Variants in FAT3 observed in about 807,000 individuals in gnomAD.
FAT3 encodes the protein FAT atypical cadherin 3.
A neutral mutation model predicts 310.2 loss-of-function variants in FAT3; 95 were observed. The observed-to-expected ratio is 0.31, with a 90% CI of 0.26 to 0.36. FAT3 has a LOEUF of 0.36. Among genes scored for constraint, FAT3 ranks in the 10% least tolerant of loss-of-function variants. FAT3 has a pLI of 1.00. For missense variants in FAT3, 5,408 were observed against 5,715.6 expected (o/e 0.95, Z 1.74); for synonymous variants, 2,314 against 2,192.9 (o/e 1.06, Z -1.54).
chr11:92,707,475 C>G (rs768100056), intron 4 of FAT3, among the ~76,000 whole-genome samples: 10 of 152,236 alleles, frequency 6.6e-5, no homozygotes, highest in Middle Eastern at 3.4e-3. Context: ...TGGCTGAGTT[C>G]TGGGGGTTGG....
intron 2 of FAT3, among the ~76,000 whole-genome samples, chr11:92,363,772 G>A (rs539475014): frequency 6.6e-6 from 1 of 152,282 alleles, no homozygotes; most frequent in South Asian, 2.1e-4. Flanking sequence ...AGTGACAGCA[G>A]AAACTTTTCT....
At chr11:92,550,357 G>A (rs944838963) in intron 3 of FAT3, among the ~76,000 whole-genome samples, 10 of 152,322 alleles carry the variant, frequency 6.6e-5, no homozygotes, top group Middle Eastern at 3.4e-3. Flanking sequence ...TCAGTGATTA[G>A]AGTGGATAAT....
chr11:92,557,939 A>G (rs1474538888), intron 3 of FAT3, among the ~76,000 whole-genome samples: 1 of 152,212 alleles, frequency 6.6e-6, no homozygotes, highest in Admixed American at 6.5e-5. Flanking sequence ...GTGAGCCTGA[A>G]GGCTCTTGCC....
At chr11:92,398,342 A>G (rs190343131) in intron 2 of FAT3, among the ~76,000 whole-genome samples, 73 of 152,154 alleles carry the variant, frequency 4.8e-4, no homozygotes, top group African/African-American at 1.7e-3. Context: ...CTCTACTAAA[A>G]GTACAAAAAT....
intron 6 of FAT3, among the ~76,000 whole-genome samples, chr11:92,768,948 T>C (rs1428096180): frequency 6.6e-6 from 1 of 152,216 alleles, no homozygotes; most frequent in Non-Finnish European, 1.5e-5. Flanking sequence ...CTATAACTAA[T>C]AAATTCTCAT....
In FAT3 at chr11:92,673,955, T is replaced by G. The variant is rs540224059; in HGVS notation, c.3608-23429T>G. ...TAGCATTTTGGAAGGCCAAAGTGGT[T>G]GGATCACTTGAGGTCAGGAGTTCGA... On this transcript the variant is annotated intron_variant, in intron 3 of 27. Coordinates refer to ENST00000525166, the MANE Select transcript of FAT3 (RefSeq NM_001367949.2). Among the ~76,000 whole-genome samples, 162 of 152,142 alleles carry G rather than the reference T, an allele frequency of 1.1e-3. 1 individual carries two copies. Among genetic ancestry groups the G allele is most frequent in the African/African-American group, 3.8e-3 (157 of 41,514 alleles).
At chr11:92,306,011 G>T (rs577271349) in intron 1 of FAT3, among the ~76,000 whole-genome samples, 1 of 151,854 alleles carries the variant, frequency 6.6e-6, no homozygotes, top group Non-Finnish European at 1.5e-5. Flanking sequence ...CTGAGTAAAG[G>T]GTATGTGGAA....
chr11:92,285,170 A>T (rs754168227), intron 1 of FAT3, among the ~76,000 whole-genome samples: 2 of 152,160 alleles, frequency 1.3e-5, no homozygotes, highest in Non-Finnish European at 2.9e-5. Flanking sequence ...CAGAAGACTG[A>T]TGTCTTCCAT....
At chr11:92,324,206 G>A (rs1396172757) in intron 1 of FAT3, among the ~76,000 whole-genome samples, 1 of 152,212 alleles carries the variant, frequency 6.6e-6, no homozygotes, top group Non-Finnish European at 1.5e-5. Flanking sequence ...GTTCACCAAA[G>A]TAGCACTTAT....
intron 2 of FAT3, among the ~76,000 whole-genome samples, chr11:92,419,065 C>T (rs2134969143): frequency 6.6e-6 from 1 of 152,252 alleles, no homozygotes; most frequent in East Asian, 1.9e-4. Flanking sequence ...CCACCAGACC[C>T]CTGACTTACA....
At chr11:92,604,370 C>G (rs1358950797) in intron 3 of FAT3, among the ~76,000 whole-genome samples, 1 of 152,142 alleles carries the variant, frequency 6.6e-6, no homozygotes. Flanking sequence ...GTCCTTACTT[C>G]CTTCTACGTC....
At chr11:92,621,857 C>T (rs1296295230) in intron 3 of FAT3, among the ~76,000 whole-genome samples, 2 of 152,140 alleles carry the variant, frequency 1.3e-5, no homozygotes, top group African/African-American at 4.8e-5. Context: ...ATCAGCGGAG[C>T]CCTTTATCAG....
intron 4 of FAT3, among the ~76,000 whole-genome samples, chr11:92,753,903 G>A (rs148293624): frequency 6.6e-6 from 1 of 151,698 alleles, no homozygotes; most frequent in Admixed American, 6.6e-5. Flanking sequence ...CTCAGGAATG[G>A]AAAACCAAAC....
At chr11:92,389,081 T>C (rs1000970172) in intron 2 of FAT3, among the ~76,000 whole-genome samples, 4 of 152,190 alleles carry the variant, frequency 2.6e-5, no homozygotes, top group Non-Finnish European at 5.9e-5. Context: ...TAGCAACACA[T>C]GAAATCTTAC....
rs143985873 is a variant in FAT3, at chr11:92,847,295, A to G, written c.11365+2563A>G. On this transcript the variant is annotated intron_variant, in intron 19 of 27. Transcript: ENST00000525166. ...TAAAAATACTTACCATTGTGTTACA[A>G]TTGCTTACAGTGTTCAGTACAGTAG... Among the ~76,000 whole-genome samples, 171 of 152,318 alleles carry G rather than the reference A, an allele frequency of 1.1e-3. 1 individual carries two copies. The highest frequency in any genetic ancestry group is 3.8e-3 in the African/African-American group (156 of 41,576).
At chr11:92,630,951 A>C (rs753327573) in intron 3 of FAT3, among the ~76,000 whole-genome samples, 2 of 152,214 alleles carry the variant, frequency 1.3e-5, no homozygotes, top group Non-Finnish European at 2.9e-5. Flanking sequence ...TTTTTTGGAA[A>C]TTATTATTTA....
chr11:92,287,950 C>T (rs1343864684), intron 1 of FAT3, among the ~76,000 whole-genome samples: 1 of 152,042 alleles, frequency 6.6e-6, no homozygotes, highest in Non-Finnish European at 1.5e-5. Flanking sequence ...AACTGCAGAG[C>T]AAATGAGTTG....
chr11:92,414,238 C>T (rs900441717), intron 2 of FAT3, among the ~76,000 whole-genome samples: 13 of 152,158 alleles, frequency 8.5e-5, no homozygotes, highest in Non-Finnish European at 1.5e-4. Flanking sequence ...AGAGAGATCA[C>T]GGACACCTGC....
chr11:92,228,317 A>AT (rs553987828), intron 1 of FAT3, among the ~76,000 whole-genome samples: 197 of 152,050 alleles, frequency 1.3e-3, no homozygotes, highest in Middle Eastern at 3.4e-3. Flanking sequence ...CATTTTGGGG[A>AT]TTTTTTTAAT....
Sources: allele counts gnomAD v4.1 joint callset (sites outside exome capture counted in the v4.1 genomes callset), GRCh38; gene constraint gnomAD v4.1.1; transcripts MANE v1.5; gene names NCBI Gene and HGNC (gene_info 2026-07-23, HGNC 2026-07-21).